The following GMEB1 variants were observed in gnomAD, a reference collection of about 807,000 sequenced individuals.
GMEB1 encodes glucocorticoid modulatory element-binding protein 1.
Under a neutral mutation model 52.4 loss-of-function variants are expected in GMEB1, and 6 were observed. The ratio of observed to expected loss-of-function variants is 0.11; its 90% CI spans 0.06 to 0.23. The LOEUF (loss-of-function observed/expected upper bound fraction) is 0.23, where lower values mean the gene tolerates loss of function less well. GMEB1 is among the 10% of genes least tolerant of loss of function. GMEB1 has a pLI of 1.00. For missense variants in GMEB1, 486 were observed against 685.6 expected, an observed-to-expected ratio of 0.71 and a Z score of 3.25; for synonymous variants, 255 against 244.9, an observed-to-expected ratio of 1.04 and a Z score of -0.38.
rs544796963 is a variant in GMEB1 at position 28,712,623 on chromosome 1, A to G, written c.992-1450A>G. On this transcript the variant is annotated intron_variant, in intron 9 of 9. Coordinates refer to ENST00000373816, the MANE Select transcript of GMEB1 (RefSeq NM_001319674.2). ...ATCATGAGGTCAAGAGATTGAAATC[A>G]TCCTGGCCAATATGGTGAAACCTCA... Among the ~76,000 whole-genome samples, 16 of 152,004 alleles carry G rather than the reference A, an allele frequency of 1.1e-4. 1 individual carries two copies. The South Asian group carries it at 3.1e-3, about 30-fold the overall frequency.
At chr1:28,683,555 A>G in intron 1 of GMEB1, 28 bp from the exon 2 acceptor site, 1 of 1,548,254 alleles carries the variant, frequency 6.5e-7, no homozygotes, top group Non-Finnish European at 8.7e-7. Flanking sequence ...AACCAGATTA[A>G]GTTATTGGTG....
At chr1:28,699,421 C>T (rs1371450634) in intron 6 of GMEB1, among the ~76,000 whole-genome samples, 1 of 151,864 alleles carries the variant, frequency 6.6e-6, no homozygotes, top group Non-Finnish European at 1.5e-5. Flanking sequence ...ATACACTGTG[C>T]TTGTAAATTG....
At chr1:28,711,976 C>T (rs914635939) in intron 9 of GMEB1, among the ~76,000 whole-genome samples, 1 of 152,146 alleles carries the variant, frequency 6.6e-6, no homozygotes, top group Non-Finnish European at 1.5e-5. Context: ...CCCATTCAGC[C>T]CCAGGTTGTG....
intron 8 of GMEB1, among the ~76,000 whole-genome samples, chr1:28,705,877 G>A (rs1434672535): frequency 5.3e-5 from 8 of 151,702 alleles, no homozygotes; most frequent in African/African-American, 1.2e-4. Flanking sequence ...ATATTCGGCC[G>A]GGCGCGGTGG....
intron 8 of GMEB1, among the ~76,000 whole-genome samples, chr1:28,705,873 G>T (rs1020617626): frequency 3.3e-5 from 5 of 151,704 alleles, no homozygotes; most frequent in Non-Finnish European, 5.9e-5. Flanking sequence ...TCTCATATTC[G>T]GCCGGGCGCG....
chr1:28,707,627 G>A (rs1278122080), intron 8 of GMEB1, among the ~76,000 whole-genome samples: 1 of 152,176 alleles, frequency 6.6e-6, no homozygotes, highest in Non-Finnish European at 1.5e-5. Flanking sequence ...TGAGATGAAG[G>A]CCACTGGGAG....
At chr1:28,682,914 G>T (rs1345161041) in intron 1 of GMEB1, among the ~76,000 whole-genome samples, 1 of 152,104 alleles carries the variant, frequency 6.6e-6, no homozygotes, top group African/African-American at 2.4e-5. Flanking sequence ...TGTCAATTTC[G>T]GGTCTGTTTA....
At chr1:28,692,091 G>A (rs1404130330) in intron 4 of GMEB1, among the ~76,000 whole-genome samples, 1 of 151,048 alleles carries the variant, frequency 6.6e-6, no homozygotes, top group African/African-American at 2.4e-5. Flanking sequence ...GCTCACTGTA[G>A]CCTCCACTTC....
At chr1:28,690,498 G>A (rs1669911596) in intron 3 of GMEB1, among the ~76,000 whole-genome samples, 1 of 152,058 alleles carries the variant, frequency 6.6e-6, no homozygotes, top group South Asian at 2.1e-4. Context: ...ATAAGTTGTT[G>A]ATGATGACTG....
In GMEB1 at chr1:28,683,519, A is replaced by G. The variant is rs539662227; in HGVS notation, c.-30-64A>G. On this transcript the variant is annotated intron_variant, in intron 1 of 9. Coordinates refer to ENST00000373816, the MANE Select transcript of GMEB1 (RefSeq NM_001319674.2). ...GCTGGGATTCCAGGCGTGAGCCACC[A>G]TGCCCGGCCTGTTGACATCTTTTTA... is the stretch of plus-strand genomic sequence containing the variant. 17 of 1,364,380 alleles carry G rather than the reference A, an allele frequency of 1.2e-5. No homozygotes were observed. In the Admixed American group the frequency reaches 3.1e-4, roughly 25 times the overall value. The allele number at this position is 1,364,380 out of a possible 1,614,324, so 84.5% of individuals were successfully genotyped here. A position where few individuals can be genotyped will look rare whatever the true frequency, so the allele number is the denominator to read the frequency against.
At chr1:28,679,707 G>A (rs900702175) in intron 1 of GMEB1, among the ~76,000 whole-genome samples, 7 of 152,016 alleles carry the variant, frequency 4.6e-5, no homozygotes, top group East Asian at 1.9e-4. Context: ...TGAGCCATAA[G>A]CTGTATAGCT....
rs1307997517 is a variant in GMEB1, at chr1:28,691,664, C to G, written c.291C>G (p.Leu97=). Residue 97 remains leucine (L), a synonymous_variant, in exon 4 of 10, where the codon CTC becomes CTG. Transcript: ENST00000373816. The stretch of plus-strand genomic sequence containing the variant: ...GTGGGGAGAGCAAAGCCATCCTCCT[C>G]TGGAAGAAGTTTGTATGTCCAGGAA... ...ITCGESKAIL[L]WKKFVCPGIN... 5.1e-6 allele frequency: 8 copies of G among 1,581,352 alleles called. No homozygotes were observed. The highest frequency in any genetic ancestry group is 2.7e-5 in the African/African-American group (2 of 74,226).
chr1:28,669,816 T>C (rs1273819190), intron 1 of GMEB1, among the ~76,000 whole-genome samples: 1 of 152,128 alleles, frequency 6.6e-6, no homozygotes, highest in Non-Finnish European at 1.5e-5. Context: ...TCCCGCTTTC[T>C]GAAATGACAG....
At chr1:28,675,716 A>G (rs1179855528) in intron 1 of GMEB1, among the ~76,000 whole-genome samples, 3 of 151,988 alleles carry the variant, frequency 2.0e-5, no homozygotes, top group Non-Finnish European at 4.4e-5. Context: ...GCAAGTTTAA[A>G]TTAAAAAAAG....
intron 8 of GMEB1, among the ~76,000 whole-genome samples, chr1:28,704,743 G>T (rs1435798482): frequency 6.6e-6 from 1 of 151,986 alleles, no homozygotes; most frequent in Non-Finnish European, 1.5e-5. Context: ...GAGTAGCTGG[G>T]ATTACAGGCG....
chr1:28,693,703 C>T (rs1054666457), intron 5 of GMEB1, among the ~76,000 whole-genome samples: 3 of 152,034 alleles, frequency 2.0e-5, no homozygotes, highest in Admixed American at 6.6e-5. Flanking sequence ...CACCCACCTC[C>T]GCTTCCCAAA....
intron 1 of GMEB1, among the ~76,000 whole-genome samples, chr1:28,683,169 G>A (rs1216025014): frequency 6.6e-6 from 1 of 151,904 alleles, no homozygotes; most frequent in Non-Finnish European, 1.5e-5. Flanking sequence ...GGTCTCTAGG[G>A]TGCTCTAGGC....
intron 1 of GMEB1, among the ~76,000 whole-genome samples, chr1:28,676,922 C>T (rs888790966): frequency 3.3e-5 from 5 of 151,990 alleles, no homozygotes; most frequent in East Asian, 1.9e-4. Flanking sequence ...GACATGGTGG[C>T]GGGCACCTGT....
At chr1:28,702,959 G>A (rs1325893370) in intron 7 of GMEB1, among the ~76,000 whole-genome samples, 2 of 152,102 alleles carry the variant, frequency 1.3e-5, no homozygotes, top group Non-Finnish European at 2.9e-5. Context: ...GGAGCTTGCA[G>A]TGAGCCGAGA....
Sources: gnomAD v4.1 joint callset for allele counts (sites outside exome capture counted in the v4.1 genomes callset) on GRCh38, gnomAD v4.1.1 for gene constraint, MANE v1.5 for transcripts, NCBI Gene and HGNC (gene_info 2026-07-23, HGNC 2026-07-21) for gene names.